The following KLHL7 variants were observed in gnomAD, a reference collection of about 807,000 sequenced individuals.
KLHL7 encodes the protein kelch like family member 7.
KLHL7 carries 44 observed loss-of-function variants against 67.4 expected under a neutral mutation model. The ratio of observed to expected loss-of-function variants is 0.65; its 90% confidence interval spans 0.51 to 0.84. KLHL7 has a LOEUF of 0.84. Ranked by LOEUF, KLHL7 falls within the 40% of genes least tolerant of loss-of-function variation. The pLI is 0.00. For synonymous variants in KLHL7, 252 were observed against 243.3 expected, an observed-to-expected ratio of 1.04 and a Z score of -0.33; for missense variants, 362 against 718.1, an observed-to-expected ratio of 0.50 and a Z score of 5.67.
At chr7:23,159,812 G>A (rs1784810895) in intron 7 of KLHL7, among the ~76,000 whole-genome samples, 1 of 152,148 alleles carries the variant, frequency 6.6e-6, no homozygotes, top group Non-Finnish European at 1.5e-5. Flanking sequence ...TTACAGCCTT[G>A]CCCCACCATC....
chr7:23,116,031 T>C (rs1783073526), intron 1 of KLHL7, among the ~76,000 whole-genome samples: 1 of 152,236 alleles, frequency 6.6e-6, no homozygotes, highest in African/African-American at 2.4e-5. Context: ...TTCTATCTAA[T>C]GACAAAGCCT....
rs778109711 is a variant in KLHL7, at chr7:23,167,946, G to A, written c.1288G>A (p.Gly430Ser). The change falls in exon 9 of 11, where the codon GGC becomes AGC. Residue 430 changes from glycine to serine, a missense_variant. This residue lies in a region of KLHL7 where 136 missense variants were observed against 252.7 expected (regional missense o/e 0.54). Transcript: ENST00000339077. ...RCSHGMVEAN[G>S]LIYVCGGSLG... Reference sequence around the variant, plus strand: ...CAGCCATGGGATGGTGGAAGCCAATGGCCTAATCTATGTTTGTGGTGGAAG... The same window carrying A: ...CAGCCATGGGATGGTGGAAGCCAATAGCCTAATCTATGTTTGTGGTGGAAG... The A allele has an allele frequency of 6.2e-7, 1 of 1,614,198 alleles. No individual in the cohort carries two copies. The highest frequency in any genetic ancestry group is 8.5e-7 in the Non-Finnish European group (1 of 1,180,032).
rs1271104660 is a variant in KLHL7 at position 23,128,960 on chromosome 7, A to G, written c.442+3788A>G. 3.3e-5 allele frequency among the ~76,000 whole-genome samples: 5 copies of G among 152,262 alleles called. No homozygotes were observed. In the East Asian group the frequency reaches 9.6e-4, roughly 29 times the overall value. On this transcript the variant is annotated intron_variant, in intron 4 of 10. Coordinates refer to ENST00000339077, the MANE Select transcript of KLHL7 (RefSeq NM_001031710.3). ...CTGAATAATATTCCATTGCATGGAT[A>G]TACCAAAATGTGTTTATCCATTTAC... is the stretch of plus-strand genomic sequence containing the variant.
intron 7 of KLHL7, among the ~76,000 whole-genome samples, chr7:23,154,650 C>A (rs1784644218): frequency 6.6e-6 from 1 of 152,172 alleles, no homozygotes; most frequent in Non-Finnish European, 1.5e-5. Context: ...AGGATGCCTG[C>A]AGCTTAGATT....
chr7:23,163,311 C>A (rs191242962), intron 7 of KLHL7, among the ~76,000 whole-genome samples: 99 of 152,180 alleles, frequency 6.5e-4, no homozygotes, highest in African/African-American at 2.3e-3. Flanking sequence ...GCAGGGATTA[C>A]ACGTGCCTGC....
Position 23,174,658 on chromosome 7 carries a change from C to T in KLHL7, c.*360C>T, listed in dbSNP as rs937782327. On this transcript the variant is annotated 3_prime_UTR_variant, in exon 11 of 11. Coordinates refer to ENST00000339077, the MANE Select transcript of KLHL7 (RefSeq NM_001031710.3). ...AGCTCTAGATTCTATTTTCATGCAT[C>T]ACAGAAGTGCTATACGGTTAGGTCT... 3 of 463,824 alleles carry T rather than the reference C, an allele frequency of 6.5e-6. No homozygotes were observed. The highest frequency in any genetic ancestry group is 5.9e-5 in the African/African-American group (3 of 50,464). The allele number at this position is 463,824 out of a possible 1,614,324, so 28.7% of individuals were successfully genotyped here. A position where few individuals can be genotyped will look rare whatever the true frequency, so the allele number is the denominator to read the frequency against.
chr7:23,125,345 C>G (rs1377552996), intron 4 of KLHL7, 173 bp downstream of exon 4: 3 of 628,306 alleles, frequency 4.8e-6, no homozygotes, highest in African/African-American at 1.8e-5. Flanking sequence ...GCATATTAAC[C>G]TGGGCAGCAG....
intron 4 of KLHL7, among the ~76,000 whole-genome samples, chr7:23,126,666 G>A (rs1783585549): frequency 6.6e-6 from 1 of 152,138 alleles, no homozygotes; most frequent in Non-Finnish European, 1.5e-5. Context: ...GGACACTTTA[G>A]TACTCCTTCC....
In KLHL7 at chr7:23,144,002, CT is replaced by C; in HGVS notation, c.771del (p.Glu258AsnfsTer6). On this transcript the variant is annotated frameshift_variant, in exon 6 of 11. Coordinates refer to ENST00000339077, the MANE Select transcript of KLHL7 (RefSeq NM_001031710.3). LOFTEE classifies it high-confidence loss of function. ...VQAEPLIQDN[P>X]ECLKMVISGM... ...GCTGAACCACTTATTCAAGACAATC[CT>C]GAATGCCTTAAGATGGTGATAAGTA... 6.2e-7 allele frequency: 1 copy of C among 1,613,770 alleles called. No individual in the cohort carries two copies. The highest frequency in any genetic ancestry group is 8.5e-7 in the Non-Finnish European group (1 of 1,179,878).
At position 23,105,836 on chromosome 7, in the gene KLHL7, T is replaced by C. The variant is rs1433173032; in HGVS notation, c.-191T>C. 3.6e-6 allele frequency: 3 copies of C among 831,976 alleles called. No homozygotes were observed. The highest frequency in any genetic ancestry group is 1.7e-5 in the African/African-American group (1 of 59,040). 51.5% of individuals were successfully genotyped at this position (831,976 alleles called of 1,614,324 possible). ...TTGGTAGCGTCGCTCCCTGAGCGTT[T>C]CTAAGGGGGCCGCCCGGCCTTGTCT... On this transcript the variant is annotated 5_prime_UTR_variant, in exon 1 of 11. Coordinates refer to ENST00000339077, the MANE Select transcript of KLHL7 (RefSeq NM_001031710.3).
chr7:23,118,888 A>G (rs1056733718), intron 1 of KLHL7, among the ~76,000 whole-genome samples: 1 of 152,054 alleles, frequency 6.6e-6, no homozygotes, highest in Non-Finnish European at 1.5e-5. Flanking sequence ...CCTGGGCAAC[A>G]CAGTGAGACC....
intron 1 of KLHL7, among the ~76,000 whole-genome samples, chr7:23,118,474 A>C (rs1028407921): frequency 1.3e-5 from 2 of 152,194 alleles, no homozygotes; most frequent in Non-Finnish European, 2.9e-5. Flanking sequence ...ACCCTGCCCC[A>C]ATGATTGATG....
chr7:23,107,088 T>A (rs1325525256), intron 1 of KLHL7, among the ~76,000 whole-genome samples: 1 of 152,184 alleles, frequency 6.6e-6, no homozygotes, highest in Non-Finnish European at 1.5e-5. Context: ...TAGAGGAATT[T>A]AAGATTTTTA....
At chr7:23,147,802 G>A (rs913518256) in intron 6 of KLHL7, among the ~76,000 whole-genome samples, 6 of 152,180 alleles carry the variant, frequency 3.9e-5, no homozygotes, top group Non-Finnish European at 8.8e-5. Flanking sequence ...TTCAAACCTC[G>A]AACCTGCATG....
chr7:23,158,477 T>C (rs1355886222), intron 7 of KLHL7, among the ~76,000 whole-genome samples: 1 of 152,214 alleles, frequency 6.6e-6, no homozygotes, highest in Non-Finnish European at 1.5e-5. Context: ...ACCTCAGAAG[T>C]ATTGAATCAT....
intron 6 of KLHL7, among the ~76,000 whole-genome samples, chr7:23,150,592 A>G (rs1338726584): frequency 1.3e-5 from 2 of 151,998 alleles, no homozygotes; most frequent in African/African-American, 2.4e-5. Context: ...TTTTTTAACC[A>G]CTTCCCTAAC....
intron 7 of KLHL7, among the ~76,000 whole-genome samples, chr7:23,161,241 A>G (rs1049466007): frequency 1.3e-5 from 2 of 152,224 alleles, no homozygotes; most frequent in African/African-American, 2.4e-5. Flanking sequence ...CTTACATTTT[A>G]CAAATACGGG....
At chr7:23,117,420 C>T in intron 1 of KLHL7, among the ~76,000 whole-genome samples, 1 of 151,954 alleles carries the variant, frequency 6.6e-6, no homozygotes, top group East Asian at 1.9e-4. Flanking sequence ...TTCTTCTATT[C>T]CTGTTTGGTC....
intron 4 of KLHL7, among the ~76,000 whole-genome samples, chr7:23,140,381 C>T (rs1290715023): frequency 3.9e-5 from 6 of 152,012 alleles, no homozygotes; most frequent in African/African-American, 9.7e-5. Context: ...GGTGAAACCC[C>T]GTCTCTACTA....
Sources: gnomAD v4.1 joint callset for allele counts (sites outside exome capture counted in the v4.1 genomes callset) on GRCh38, gnomAD v4.1.1 for gene constraint, gnomAD v4.1.1 regional missense constraint, MANE v1.5 for transcripts, NCBI Gene and HGNC (gene_info 2026-07-23, HGNC 2026-07-21) for gene names.